The following EPG5 variants were observed in gnomAD, a reference collection of about 807,000 sequenced individuals.
EPG5 encodes the protein ectopic P-granules 5 autophagy tethering factor, also known as ectopic P granules protein 5 homolog.
EPG5 carries 159 observed loss-of-function variants against 302.7 expected under a neutral mutation model. The observed-to-expected ratio is 0.53, with a 90% CI of 0.46 to 0.60. The LOEUF (loss-of-function observed/expected upper bound fraction) is 0.60, where lower values mean the gene tolerates loss of function less well. Ranked by LOEUF, EPG5 falls within the 20% of genes least tolerant of loss-of-function variation. EPG5 has a pLI of 0.00. For synonymous variants in EPG5, 1,158 were observed against 1,136.8 expected, an observed-to-expected ratio of 1.02 and a Z score of -0.37; for missense variants, 2,896 against 3,092.4, an observed-to-expected ratio of 0.94 and a Z score of 1.51.
At chr18:45,882,978 GC>G (rs2049130824) in intron 30 of EPG5, among the ~76,000 whole-genome samples, 1 of 146,512 alleles carries the variant, frequency 6.8e-6, no homozygotes, top group African/African-American at 2.5e-5. Flanking sequence ...TTGCACTCCA[GC>G]CTGGGCAACA....
At chr18:45,931,555 C>T (rs563463062) in intron 11 of EPG5, among the ~76,000 whole-genome samples, 2 of 152,272 alleles carry the variant, frequency 1.3e-5, no homozygotes, top group Non-Finnish European at 2.9e-5. Context: ...TGTGCTTGGC[C>T]GGGCGCTGTG....
At chr18:45,944,142 A>G (rs1261131031) in intron 7 of EPG5, 23 bp from the exon 8 acceptor site, 2 of 1,445,922 alleles carry the variant, frequency 1.4e-6, no homozygotes, top group East Asian at 2.3e-5. Flanking sequence ...ACAAAAAATC[A>G]TGTCAGCAGA....
intron 10 of EPG5, among the ~76,000 whole-genome samples, chr18:45,936,577 A>C (rs2050528704): frequency 6.6e-6 from 1 of 151,864 alleles, no homozygotes; most frequent in Non-Finnish European, 1.5e-5. Flanking sequence ...AAAATATAAA[A>C]ATTAGCCGGG....
intron 1 of EPG5, among the ~76,000 whole-genome samples, chr18:45,955,613 CA>C (rs113084809): frequency 4.6e-5 from 7 of 152,202 alleles, no homozygotes; most frequent in African/African-American, 1.7e-4. Context: ...AATTCTGATT[CA>C]AAAAATAGAA....
rs2048729067 is a variant in EPG5, at chr18:45,865,654, A to G, written c.6727T>C (p.Ser2243Pro). 1 of 1,613,970 alleles carries G rather than the reference A, an allele frequency of 6.2e-7. No homozygotes were observed. The highest frequency in any genetic ancestry group is 8.5e-7 in the Non-Finnish European group (1 of 1,179,992). The stretch of plus-strand genomic sequence containing the variant: ...ACAATGATATCGTCTAAGAGCTTAG[A>G]CATTTCCTGTTCTAGGACTGCTAAG... ...ITLAVLEQEM[S>P]KLLDDIIVFN... is the part of the protein sequence containing the mutation. Residue 2243 changes from serine to proline, a missense_variant, in exon 39 of 44, where the codon TCT becomes CCT. Physicochemically the swap from Ser to Pro is moderately conservative, Grantham distance 74. Coordinates refer to ENST00000282041, the MANE Select transcript of EPG5 (RefSeq NM_020964.3).
chr18:45,801,926 C>T, the EPG5 span, among the ~76,000 whole-genome samples: 1 of 152,144 alleles, frequency 6.6e-6, no homozygotes, highest in African/African-American at 2.4e-5. Context: ...CTAGGGAGGG[C>T]TGAGCTTTAT....
At chr18:45,936,238 G>A (rs2050518461) in intron 10 of EPG5, among the ~76,000 whole-genome samples, 1 of 152,194 alleles carries the variant, frequency 6.6e-6, no homozygotes, top group Non-Finnish European at 1.5e-5. Flanking sequence ...CAATTTGAGA[G>A]CAGAAACCAT....
At chr18:45,875,671 T>G (rs1263122217) in intron 35 of EPG5, among the ~76,000 whole-genome samples, 1 of 152,088 alleles carries the variant, frequency 6.6e-6, no homozygotes, top group Non-Finnish European at 1.5e-5. Context: ...AAACTCAACA[T>G]GCAGGACAGG....
intron 7 of EPG5, 47 bp from the exon 8 acceptor site, chr18:45,944,166 C>T (rs1387479370): frequency 2.4e-5 from 28 of 1,173,382 alleles, no homozygotes; most frequent in Non-Finnish European, 3.3e-5. Flanking sequence ...GATCAGATCA[C>T]ACTATGATCT....
chr18:45,813,321 C>G, the EPG5 span, among the ~76,000 whole-genome samples: 5 of 152,158 alleles, frequency 3.3e-5, no homozygotes, highest in African/African-American at 1.2e-4. Context: ...GTTGGTGGGA[C>G]TGTAAACTAG....
chr18:45,828,390 G>A, the EPG5 span, among the ~76,000 whole-genome samples: 4 of 151,932 alleles, frequency 2.6e-5, no homozygotes, highest in African/African-American at 9.7e-5. Context: ...TAGCCTCCCA[G>A]GTCCTCCTCC....
rs764959017 is a variant in EPG5, at chr18:45,930,738, G to A, written c.2350C>T (p.Gln784Ter). 6.2e-7 allele frequency: 1 copy of A among 1,611,152 alleles called. No individual in the cohort carries two copies. The highest frequency in any genetic ancestry group is 1.3e-5 in the African/African-American group (1 of 74,872). ...TCGTCCACATTGGTTCTTCTGGCCT[G>A]AGCCATCTGAGCAAAGGTAGTCAGA... is the stretch of plus-strand genomic sequence containing the variant. ...CLLTTFAQMA[Q>*]ARRTNVDEDF... The change falls in exon 12 of 44, where the codon CAG (glutamine) becomes TAG (stop). Residue 784 changes from glutamine to a stop codon, truncating the protein, a stop_gained. Transcript: ENST00000282041. LOFTEE classifies it high-confidence loss of function.
intron 30 of EPG5, among the ~76,000 whole-genome samples, chr18:45,883,047 G>A (rs1368181425): frequency 6.6e-6 from 1 of 151,144 alleles, no homozygotes; most frequent in Non-Finnish European, 1.5e-5. Context: ...TCACTAATTG[G>A]TGCCATTATG....
chr18:45,904,193 A>C, intron 24 of EPG5, 76 bp from the exon 25 acceptor site: 13 of 1,508,948 alleles, frequency 8.6e-6, no homozygotes, highest in Non-Finnish European at 8.9e-7. Flanking sequence ...ATTTAACTAT[A>C]AAGTGAACCA....
intron 16 of EPG5, among the ~76,000 whole-genome samples, chr18:45,920,806 G>C (rs1417838399): frequency 6.6e-6 from 1 of 152,204 alleles, no homozygotes; most frequent in Non-Finnish European, 1.5e-5. Context: ...GGTTTAGGGG[G>C]ACAAACATCC....
rs886090935 is a variant in EPG5 at position 45,899,608 on chromosome 18, G to C, written c.4647-42C>G. On this transcript the variant is annotated intron_variant, in intron 26 of 43. Coordinates refer to ENST00000282041, the MANE Select transcript of EPG5 (RefSeq NM_020964.3). ...GGAGGTAAAAGAAAGTCTTAGGAAA[G>C]GTTATATGATAGGTGATAAAGGCTT... 11 of 1,608,242 alleles carry C rather than the reference G, an allele frequency of 6.8e-6. No individual in the cohort carries two copies. The African/African-American group carries it at 1.3e-4, about 20-fold the overall frequency.
chr18:45,933,700 T>G (rs754220150), intron 11 of EPG5, among the ~76,000 whole-genome samples: 79 of 151,342 alleles, frequency 5.2e-4, no homozygotes, highest in Non-Finnish European at 5.6e-4. Context: ...AATAAAAAAA[T>G]AAATCATGAA....
chr18:45,839,117 G>A, the EPG5 span: 202 of 1,364,494 alleles, frequency 1.5e-4, 1 homozygote, highest in Non-Finnish European at 1.8e-4. Flanking sequence ...CCAGACACGG[G>A]TGGCCGCGAG....
rs556864888 is a variant in EPG5, at chr18:45,915,096, T to C, written c.3693+415A>G. Reference sequence around the variant, plus strand: ...GAGTTCGAGACCAGCCTGACCAACATGGAGAAACCCTGACTCTACTAAAAA... The same window carrying C: ...GAGTTCGAGACCAGCCTGACCAACACGGAGAAACCCTGACTCTACTAAAAA... On this transcript the variant is annotated intron_variant, in intron 20 of 43. Transcript: ENST00000282041. 1.6e-4 allele frequency among the ~76,000 whole-genome samples: 25 copies of C among 151,676 alleles called. No homozygotes were observed. In the East Asian group the frequency reaches 4.8e-3, roughly 29 times the overall value.
Sources: gnomAD v4.1 joint callset for allele counts (sites outside exome capture counted in the v4.1 genomes callset) on GRCh38, gnomAD v4.1.1 for gene constraint, MANE v1.5 for transcripts, NCBI Gene and HGNC (gene_info 2026-07-23, HGNC 2026-07-21) for gene names.